The following RCAN2 variants were observed in gnomAD, a reference collection of about 807,000 sequenced individuals.
RCAN2 encodes the protein regulator of calcineurin 2.
RCAN2 carries 9 observed loss-of-function variants against 23.6 expected under a neutral mutation model. That is an observed-to-expected ratio of 0.38 (90% confidence interval 0.23 to 0.67). RCAN2 has a LOEUF of 0.67. Ranked by LOEUF, RCAN2 falls within the 30% of genes least tolerant of loss-of-function variation. The probability of loss-of-function intolerance (pLI) is 0.51; values close to 1 mark genes in which losing one functional copy is unlikely to be tolerated. For missense variants in RCAN2, 273 were observed against 302.3 expected (o/e 0.90, Z 0.72); for synonymous variants, 109 against 115.7 (o/e 0.94, Z 0.37).
At position 46,422,980 on chromosome 6, in the gene RCAN2, G is replaced by T. The variant is rs552334538; in HGVS notation, c.225+33772C>A. ...TTCTTGTCAAGTATGCATTACTTTA[G>T]GACCAGACAGACTTATCTCAGACCA... is the stretch of plus-strand genomic sequence containing the variant. On this transcript the variant is annotated intron_variant, in intron 2 of 4. Transcript: ENST00000371374. 2.0e-5 allele frequency among the ~76,000 whole-genome samples: 3 copies of T among 152,220 alleles called. No individual in the cohort carries two copies. The East Asian group carries it at 5.8e-4, about 29-fold the overall frequency.
At chr6:46,320,271 T>A (rs919618291) in intron 2 of RCAN2, among the ~76,000 whole-genome samples, 1 of 152,188 alleles carries the variant, frequency 6.6e-6, no homozygotes, top group African/African-American at 2.4e-5. Context: ...CCACCTAAGT[T>A]TCTCTTCCAA....
rs1205735285 is a variant in RCAN2 at position 46,220,822 on chromosome 6, C to T, written c.*2319G>A. ...CAGTTGGTGGAAATCTTCCCCTTCCCCTTCATTGTTAAAGTTTTCAAACTT... is the reference window on the plus strand; with the variant it reads ...CAGTTGGTGGAAATCTTCCCCTTCCTCTTCATTGTTAAAGTTTTCAAACTT... On this transcript the variant is annotated 3_prime_UTR_variant, in exon 5 of 5. Coordinates refer to ENST00000371374, the MANE Select transcript of RCAN2 (RefSeq NM_001251974.2). 6.5e-6 allele frequency: 1 copy of T among 152,676 alleles called. No individual in the cohort carries two copies. Among genetic ancestry groups the T allele is most frequent in the Non-Finnish European group, 1.5e-5 (1 of 68,048 alleles). 9.5% of individuals were successfully genotyped at this position (152,676 alleles called of 1,614,324 possible).
rs778048389 is a variant in RCAN2, at chr6:46,223,180, T to A, written c.693A>T (p.Gln231His). 25 of 1,613,748 alleles carry A rather than the reference T, an allele frequency of 1.5e-5. No individual in the cohort carries two copies. Among genetic ancestry groups the A allele is most frequent in the Non-Finnish European group, 1.9e-5 (23 of 1,179,936 alleles). ...AGGGTGGCAGGCCAGGACGCCGAGT[T>A]TGGATGATTTTTGGCTTTGGGGAAG... ...PKTSPKPKIIQTRRPGLPPSV... is the reference protein window; with the variant it reads ...PKTSPKPKIIHTRRPGLPPSV... The change falls in exon 5 of 5, where the codon CAA (glutamine) becomes CAT (histidine). Residue 231 changes from glutamine (Q) to histidine (H), a missense_variant. By Grantham distance (24) the Gln-to-His change is conservative. Coordinates refer to ENST00000371374, the MANE Select transcript of RCAN2 (RefSeq NM_001251974.2).
chr6:46,348,023 G>A (rs1764539985), intron 2 of RCAN2, among the ~76,000 whole-genome samples: 1 of 152,170 alleles, frequency 6.6e-6, no homozygotes, highest in Non-Finnish European at 1.5e-5. Context: ...TACAGGACCT[G>A]AGCAGAATAC....
chr6:46,321,183 T>C lies in RCAN2; in HGVS notation c.226-72287A>G, dbSNP rs188388677. Reference sequence around the variant, plus strand: ...CAGAGATGTTTCCAATGGCAATCTTTTCAAAAGTGGCCATTCCTCCCCCAT... The same window carrying C: ...CAGAGATGTTTCCAATGGCAATCTTCTCAAAAGTGGCCATTCCTCCCCCAT... On this transcript the variant is annotated intron_variant, in intron 2 of 4. Transcript: ENST00000371374. Among the ~76,000 whole-genome samples, 339 of 152,340 alleles carry C rather than the reference T, an allele frequency of 2.2e-3. 6 individuals are homozygous for C. The highest frequency in any genetic ancestry group is 0.022 in the Admixed American group (334 of 15,302).
intron 2 of RCAN2, among the ~76,000 whole-genome samples, chr6:46,436,337 C>T (rs987682056): frequency 9.9e-5 from 15 of 152,178 alleles, no homozygotes; most frequent in African/African-American, 2.4e-4. Context: ...CTCAGCCTCC[C>T]GAGTAGCTGG....
chr6:46,262,165 G>C (rs1767130613), intron 2 of RCAN2, among the ~76,000 whole-genome samples: 1 of 151,276 alleles, frequency 6.6e-6, no homozygotes, highest in African/African-American at 2.4e-5. Flanking sequence ...TTTTTTTTAA[G>C]CTGGGGCCTC....
intron 2 of RCAN2, among the ~76,000 whole-genome samples, chr6:46,357,362 AAAAG>A (rs1379495491): frequency 1.3e-5 from 2 of 152,252 alleles, no homozygotes; most frequent in East Asian, 3.8e-4. Flanking sequence ...ATGATTCAAA[AAAAG>A]AGTCACTAAG....
At chr6:46,307,015 C>T (rs767737957) in intron 2 of RCAN2, among the ~76,000 whole-genome samples, 29 of 152,136 alleles carry the variant, frequency 1.9e-4, no homozygotes, top group Non-Finnish European at 3.8e-4. Flanking sequence ...ATTCAGTAAA[C>T]GCTTATTGAA....
intron 2 of RCAN2, among the ~76,000 whole-genome samples, chr6:46,394,867 G>C (rs184747279): frequency 6.6e-6 from 1 of 152,326 alleles, no homozygotes; most frequent in Admixed American, 6.5e-5. Flanking sequence ...GATGGAAGCA[G>C]TGGACATAGT....
intron 2 of RCAN2, among the ~76,000 whole-genome samples, chr6:46,366,799 G>T (rs535840000): frequency 6.6e-6 from 1 of 151,136 alleles, no homozygotes; most frequent in African/African-American, 2.4e-5. Context: ...ATTCCCACTT[G>T]CCCATGGTAT....
At chr6:46,322,043 A>G (rs951409551) in intron 2 of RCAN2, among the ~76,000 whole-genome samples, 1 of 152,210 alleles carries the variant, frequency 6.6e-6, no homozygotes, top group African/African-American at 2.4e-5. Flanking sequence ...GCCTGGGCAC[A>G]TTAATATTTT....
chr6:46,488,696 C>A (rs1277512159), intron 1 of RCAN2, among the ~76,000 whole-genome samples: 4 of 152,132 alleles, frequency 2.6e-5, no homozygotes, highest in African/African-American at 4.8e-5. Flanking sequence ...CTCAAGTCTC[C>A]TCTTATTTAC....
At chr6:46,350,631 T>C (rs1764619845) in intron 2 of RCAN2, among the ~76,000 whole-genome samples, 1 of 152,206 alleles carries the variant, frequency 6.6e-6, no homozygotes, top group Admixed American at 6.5e-5. Context: ...AGCTATGAGC[T>C]GAATAAAGCC....
chr6:46,460,057 T>G (rs987005178), intron 1 of RCAN2, among the ~76,000 whole-genome samples: 3 of 139,592 alleles, frequency 2.1e-5, no homozygotes, highest in Non-Finnish European at 4.6e-5. Flanking sequence ...TCTGTTGTTG[T>G]TTTTTTTTTC....
intron 2 of RCAN2, among the ~76,000 whole-genome samples, chr6:46,268,936 C>T (rs1000364242): frequency 6.6e-6 from 1 of 152,134 alleles, no homozygotes; most frequent in African/African-American, 2.4e-5. Context: ...AAAACAGTCA[C>T]GTATTGTGTT....
rs372510159 is a variant in RCAN2 at position 46,263,452 on chromosome 6, A to AGT, written c.226-14558_226-14557dup. On this transcript the variant is annotated intron_variant, in intron 2 of 4. Coordinates refer to ENST00000371374, the MANE Select transcript of RCAN2 (RefSeq NM_001251974.2). ...ATTTCAGAGTAATGTGTCATCAGAG[A>AGT]GTGTGTGTGTGTGTGTGTGTGTATG... Among the ~76,000 whole-genome samples, 125 of 124,452 alleles carry AGT rather than the reference A, an allele frequency of 1.0e-3. 2 individuals are homozygous for AGT. In the South Asian group the frequency reaches 0.012, roughly 12 times the overall value. 81.6% of individuals were successfully genotyped at this position (124,452 alleles called of 152,430 possible). A position where few individuals can be genotyped will look rare whatever the true frequency, so the allele number is the denominator to read the frequency against.
chr6:46,440,040 G>A (rs926790720), intron 2 of RCAN2, among the ~76,000 whole-genome samples: 2 of 152,164 alleles, frequency 1.3e-5, no homozygotes, highest in East Asian at 3.8e-4. Context: ...TTGAGGGAAA[G>A]AATAAAACTC....
chr6:46,236,928 C>T (rs1766120990), intron 4 of RCAN2, among the ~76,000 whole-genome samples: 1 of 152,200 alleles, frequency 6.6e-6, no homozygotes, highest in Non-Finnish European at 1.5e-5. Context: ...TTAATTATAA[C>T]AACAGCTCTG....
Sources: allele counts gnomAD v4.1 joint callset (sites outside exome capture counted in the v4.1 genomes callset), GRCh38; gene constraint gnomAD v4.1.1; transcripts MANE v1.5; gene names NCBI Gene and HGNC (gene_info 2026-07-23, HGNC 2026-07-21).